Variants in EHMT1 observed in about 807,000 individuals in gnomAD.
EHMT1 encodes euchromatic histone lysine methyltransferase 1.
A neutral mutation model predicts 147.2 loss-of-function variants in EHMT1; 15 were observed. The ratio of observed to expected loss-of-function variants is 0.10; its 90% CI spans 0.07 to 0.16. The LOEUF (loss-of-function observed/expected upper bound fraction) is 0.16, where lower values mean the gene tolerates loss of function less well. Ranked by LOEUF, EHMT1 falls within the 10% of genes least tolerant of loss-of-function variation. The pLI is 1.00. For synonymous variants in EHMT1, 795 were observed against 709.6 expected, an observed-to-expected ratio of 1.12 and a Z score of -1.91; for missense variants, 1,587 against 1,772.4, an observed-to-expected ratio of 0.90 and a Z score of 1.88.
At chr9:137,626,177 A>G (rs534630815) in intron 1 of EHMT1, among the ~76,000 whole-genome samples, 1 of 151,360 alleles carries the variant, frequency 6.6e-6, no homozygotes, top group Non-Finnish European at 1.5e-5. Flanking sequence ...CAGTTGTTAT[A>G]TTTTTATATT....
intron 24 of EHMT1, 119 bp downstream of exon 24, chr9:137,817,644 G>C: frequency 2.3e-6 from 3 of 1,309,582 alleles, no homozygotes; most frequent in Non-Finnish European, 2.2e-6. Context: ...ACAGCAGCGT[G>C]GGGTGGGGGC....
At chr9:137,749,244 C>T (rs1948787048) in intron 6 of EHMT1, among the ~76,000 whole-genome samples, 1 of 152,130 alleles carries the variant, frequency 6.6e-6, no homozygotes, top group South Asian at 2.1e-4. Context: ...CTCAGTTCAC[C>T]TGCATCAGAC....
In EHMT1 at chr9:137,759,618, T is replaced by C. The variant is rs571820771; in HGVS notation, c.1501+1607T>C. On this transcript the variant is annotated intron_variant, in intron 9 of 26. Transcript: ENST00000460843. ...TAGAGGCTCCTCAGCTTGTGTGACA[T>C]TTTGTAAACTGCCTCCCAGAATTGA... Among the ~76,000 whole-genome samples, 5 of 152,310 alleles carry C rather than the reference T, an allele frequency of 3.3e-5. No homozygotes were observed. In the South Asian group the frequency reaches 6.2e-4, roughly 19 times the overall value.
chr9:137,657,851 C>CTT (rs34591563), intron 1 of EHMT1, among the ~76,000 whole-genome samples: 11 of 148,078 alleles, frequency 7.4e-5, no homozygotes, highest in South Asian at 2.1e-4. Flanking sequence ...CATCCTTCTA[C>CTT]TTTTTTTTTT....
intron 1 of EHMT1, among the ~76,000 whole-genome samples, chr9:137,692,102 C>T (rs906297268): frequency 1.3e-5 from 2 of 152,062 alleles, no homozygotes; most frequent in African/African-American, 4.8e-5. Context: ...GGATGAGAAT[C>T]ATACACAACA....
At chr9:137,788,327 G>T (rs894939725) in intron 15 of EHMT1, 2 of 387,926 alleles carry the variant, frequency 5.2e-6, no homozygotes, top group Non-Finnish European at 9.2e-6. Flanking sequence ...CACTCAGGGG[G>T]CCCAGGACGT....
At position 137,827,477 on chromosome 9, in the gene EHMT1, C is replaced by T. The variant is rs542645969; in HGVS notation, c.3541-6872C>T. 3.9e-5 allele frequency among the ~76,000 whole-genome samples: 6 copies of T among 152,312 alleles called. No individual in the cohort carries two copies. In the East Asian group the frequency reaches 1.2e-3, roughly 29 times the overall value. On this transcript the variant is annotated intron_variant, in intron 25 of 26. Coordinates refer to ENST00000460843, the MANE Select transcript of EHMT1 (RefSeq NM_024757.5). Reference sequence around the variant, plus strand: ...GACCCCAGACCCCTGTCCACCTGAGCGCCAAAATCTCTGGGTGCCAGGAAG... The same window carrying T: ...GACCCCAGACCCCTGTCCACCTGAGTGCCAAAATCTCTGGGTGCCAGGAAG...
intron 15 of EHMT1, chr9:137,788,872 C>T (rs116122318): frequency 0.015 from 2,311 of 152,422 alleles, 20 homozygotes; most frequent in African/African-American, 0.034. Context: ...TTGGGGAGCG[C>T]GTGGGAGGTG....
rs779475427 is a variant in EHMT1, at chr9:137,716,606, A to T, written c.86-20A>T. 4.5e-6 allele frequency: 7 copies of T among 1,541,654 alleles called. No homozygotes were observed. The highest frequency in any genetic ancestry group is 1.7e-6 in the Non-Finnish European group (2 of 1,143,178). On this transcript the variant is annotated intron_variant, in intron 2 of 26. Transcript: ENST00000460843. ...GAGAGCGTGGCCTGCAGTCAGTGAC[A>T]CTCGTTTCTTTGTTGGCAGAGACAC...
At chr9:137,781,262 G>A (rs1372704937) in intron 14 of EHMT1, among the ~76,000 whole-genome samples, 2 of 123,466 alleles carry the variant, frequency 1.6e-5, no homozygotes, top group East Asian at 4.0e-4. Context: ...TGGTGACGAC[G>A]CTGGGACGTG....
intron 18 of EHMT1, chr9:137,803,149 G>A (rs563792560): frequency 8.1e-7 from 1 of 1,227,054 alleles, no homozygotes; most frequent in South Asian, 4.3e-5. Context: ...GCTGGTGGCT[G>A]TTCCCCCAGA....
At chr9:137,635,427 G>A (rs1843940888) in intron 1 of EHMT1, among the ~76,000 whole-genome samples, 1 of 151,388 alleles carries the variant, frequency 6.6e-6, no homozygotes, top group Non-Finnish European at 1.5e-5. Context: ...ATGTTGGACA[G>A]GCTGGTCTTG....
intron 25 of EHMT1, among the ~76,000 whole-genome samples, chr9:137,830,963 C>T (rs1166869394): frequency 6.6e-6 from 1 of 152,158 alleles, no homozygotes; most frequent in Non-Finnish European, 1.5e-5. Flanking sequence ...TCTCACTGCT[C>T]TGGGGGCTGG....
Position 137,835,664 on chromosome 9 carries a change from A to C in EHMT1, c.*711A>C, listed in dbSNP as rs1057482026. The C allele has an allele frequency of 1.3e-5, 2 of 152,678 alleles. No homozygotes were observed. The highest frequency in any genetic ancestry group is 2.9e-5 in the Non-Finnish European group (2 of 68,050). The allele number at this position is 152,678 out of a possible 1,614,324, so 9.5% of individuals were successfully genotyped here. A position where few individuals can be genotyped will look rare whatever the true frequency, so the allele number is the denominator to read the frequency against. On this transcript the variant is annotated 3_prime_UTR_variant, in exon 27 of 27. Coordinates refer to ENST00000460843, the MANE Select transcript of EHMT1 (RefSeq NM_024757.5). ...CTGTTGATTTTTTAAGCCACATGCT[A>C]TGATGAATAAACTGATTTATTTTCT...
chr9:137,704,855 C>T (rs1195415644), intron 1 of EHMT1, among the ~76,000 whole-genome samples: 2 of 129,462 alleles, frequency 1.5e-5, no homozygotes, highest in Admixed American at 9.4e-5. Flanking sequence ...CCTTCCCTTT[C>T]CTTTCTTTGT....
chr9:137,673,630 C>T (rs938735897), intron 1 of EHMT1, among the ~76,000 whole-genome samples: 1 of 152,192 alleles, frequency 6.6e-6, no homozygotes, highest in Non-Finnish European at 1.5e-5. Flanking sequence ...CAACTCCTGG[C>T]GAAACTGCGC....
intron 4 of EHMT1, 64 bp downstream of exon 4, chr9:137,728,593 G>C: frequency 1.2e-6 from 2 of 1,607,952 alleles, no homozygotes; most frequent in Non-Finnish European, 1.7e-6. Flanking sequence ...CCCCTTGCCA[G>C]GTGAGAGTTC....
At chr9:137,833,483 C>T (rs1054839507) in intron 25 of EHMT1, among the ~76,000 whole-genome samples, 1 of 152,376 alleles carries the variant, frequency 6.6e-6, no homozygotes, top group East Asian at 1.9e-4. Flanking sequence ...TCCTTGCTAG[C>T]TGCCGGCCGG....
intron 1 of EHMT1, among the ~76,000 whole-genome samples, chr9:137,672,933 A>G (rs1428821411): frequency 1.3e-5 from 2 of 152,172 alleles, no homozygotes; most frequent in African/African-American, 2.4e-5. Context: ...ATTTATTAAT[A>G]TTACTACTAT....
Sources: allele counts gnomAD v4.1 joint callset (sites outside exome capture counted in the v4.1 genomes callset), GRCh38; gene constraint gnomAD v4.1.1; transcripts MANE v1.5; gene names NCBI Gene and HGNC (gene_info 2026-07-23, HGNC 2026-07-21).